The following CCSER2 variants were observed in gnomAD, a reference collection of about 807,000 sequenced individuals.
The protein encoded by CCSER2 is coiled-coil serine rich protein 2.
A neutral mutation model predicts 92.3 loss-of-function variants in CCSER2; 46 were observed. That is an observed-to-expected ratio of 0.50 (90% CI 0.39 to 0.64). The LOEUF (loss-of-function observed/expected upper bound fraction) is 0.64. Ranked by LOEUF, CCSER2 falls within the 30% of genes least tolerant of loss-of-function variation. CCSER2 has a pLI of 0.00. For synonymous variants in CCSER2, 433 were observed against 431.4 expected (o/e 1.00, Z -0.04); for missense variants, 1,244 against 1,238.9 (o/e 1.00, Z -0.06).
chr10:84,371,079 A>C lies in CCSER2; in HGVS notation c.27A>C (p.Thr9=). 1 of 1,595,902 alleles carries C rather than the reference A, an allele frequency of 6.3e-7. No homozygotes were observed. The highest frequency in any genetic ancestry group is 8.5e-7 in the Non-Finnish European group (1 of 1,173,040). Residue 9 remains threonine, a synonymous_variant, in exon 2 of 10, where the codon ACA becomes ACC. Coordinates refer to ENST00000372088, the MANE Select transcript of CCSER2 (RefSeq NM_001284240.2). MEEKTQIK[T]FLGSKLPKYG... is the part of the protein sequence containing the mutation. ...TGGAAGAAAAAACACAAATCAAGAC[A>C]TTTTTGGGTTCCAAGTTGCCAAAGT...
At position 84,425,761 on chromosome 10, in the gene CCSER2, G is replaced by A. The variant is rs1033141671; in HGVS notation, c.1736G>A (p.Arg579Gln). 5.0e-6 allele frequency: 8 copies of A among 1,612,950 alleles called. No individual in the cohort carries two copies. The South Asian group carries it at 5.5e-5, about 11-fold the overall frequency. The change falls in exon 5 of 10, where the codon CGA becomes CAA. Residue 579 changes from arginine to glutamine, a missense_variant. By Grantham distance (43) the Arg-to-Gln change is conservative. Coordinates refer to ENST00000372088, the MANE Select transcript of CCSER2 (RefSeq NM_001284240.2). Reference protein sequence around the residue: ...VECDNMNRFDRPDRNVRQPQE... With the variant: ...VECDNMNRFDQPDRNVRQPQE... The stretch of plus-strand genomic sequence containing the variant: ...TGTGACAATATGAACCGCTTTGACC[G>A]ACCAGACAGAAATGTTCGGCAGCCT...
At chr10:84,385,033 A>ACACACACACACACACACACACACACC (rs1491585087) in intron 3 of CCSER2, among the ~76,000 whole-genome samples, 2 of 151,668 alleles carry the variant, frequency 1.3e-5, no homozygotes, top group African/African-American at 4.8e-5. Flanking sequence ...ACACACACAC[A>ACACACACACACACACACACACACACC]CCCAGGAATA....
intron 6 of CCSER2, among the ~76,000 whole-genome samples, chr10:84,441,686 A>G (rs1844544527): frequency 6.8e-6 from 1 of 147,874 alleles, no homozygotes; most frequent in Non-Finnish European, 1.5e-5. Context: ...AATTTATCCA[A>G]AGAAGAAACC....
chr10:84,387,500 A>G (rs1156760393), intron 3 of CCSER2, among the ~76,000 whole-genome samples: 4 of 151,936 alleles, frequency 2.6e-5, no homozygotes, highest in Admixed American at 6.6e-5. Context: ...ACTACTTTGT[A>G]TTGATCTTCA....
At chr10:84,453,137 A>G (rs1845397439) in intron 6 of CCSER2, among the ~76,000 whole-genome samples, 1 of 150,330 alleles carries the variant, frequency 6.7e-6, no homozygotes, top group South Asian at 2.1e-4. Flanking sequence ...GGGCTGTCCC[A>G]TGCATTTATT....
At chr10:84,458,273 C>T (rs11201049) in intron 6 of CCSER2, among the ~76,000 whole-genome samples, 22,912 of 152,120 alleles carry the variant, frequency 0.15, 1,848 homozygotes, top group Admixed American at 0.24. Flanking sequence ...TTCAGTTGTT[C>T]TAGCACCATT....
chr10:84,390,940 C>CA, intron 3 of CCSER2: 1 of 757,934 alleles, frequency 1.3e-6, no homozygotes, highest in Non-Finnish European at 2.5e-6. Context: ...ACCTGTTACT[C>CA]ACTTTGCTTA....
chr10:84,334,571 GAAGTTTTTT>G (rs1445935085), intron 1 of CCSER2, among the ~76,000 whole-genome samples: 9 of 152,114 alleles, frequency 5.9e-5, no homozygotes, highest in African/African-American at 2.2e-4. Context: ...CATGAGCACT[GAAGTTTTTT>G]ACCTGTTTAT....
intron 6 of CCSER2, chr10:84,455,468 C>T (rs1845561435): frequency 3.7e-6 from 1 of 273,424 alleles, no homozygotes; most frequent in Admixed American, 5.0e-5. Flanking sequence ...TAGAGACGAG[C>T]TTTTGCCATG....
chr10:84,331,239 G>A (rs1236716451), intron 1 of CCSER2, among the ~76,000 whole-genome samples: 1 of 152,108 alleles, frequency 6.6e-6, no homozygotes, highest in African/African-American at 2.4e-5. Flanking sequence ...TGGTGCTTTG[G>A]GGTGAAATGA....
intron 6 of CCSER2, among the ~76,000 whole-genome samples, chr10:84,460,488 G>A (rs1846046020): frequency 6.6e-6 from 1 of 151,644 alleles, no homozygotes. Context: ...GCAATTAATG[G>A]CCTCATTAAT....
At chr10:84,329,009 G>C (rs1843407969) in intron 1 of CCSER2, among the ~76,000 whole-genome samples, 1 of 151,808 alleles carries the variant, frequency 6.6e-6, no homozygotes, top group Admixed American at 6.6e-5. Flanking sequence ...GCGCGGACCC[G>C]GGAGGCCGGA....
intron 6 of CCSER2, among the ~76,000 whole-genome samples, chr10:84,453,921 T>C (rs891684687): frequency 6.6e-6 from 1 of 152,200 alleles, no homozygotes; most frequent in Non-Finnish European, 1.5e-5. Flanking sequence ...TTTGTGGGTG[T>C]GATTGTTGAG....
intron 8 of CCSER2, chr10:84,473,165 T>C (rs1846920360): frequency 6.6e-6 from 1 of 152,194 alleles, no homozygotes; most frequent in Non-Finnish European, 1.5e-5. Flanking sequence ...CTTGAAATTC[T>C]CTGTACTCGA....
intron 3 of CCSER2, chr10:84,393,854 G>C (rs2133273958): frequency 6.6e-6 from 1 of 152,316 alleles, no homozygotes; most frequent in African/African-American, 2.4e-5. Context: ...TGCTAGCATA[G>C]ATGTGGTAGT....
intron 9 of CCSER2, among the ~76,000 whole-genome samples, chr10:84,512,455 A>C (rs1023658348): frequency 4.4e-5 from 6 of 136,020 alleles, no homozygotes; most frequent in Admixed American, 8.4e-5. Flanking sequence ...CCCCTGTATC[A>C]GGACAGGCCC....
At chr10:84,497,563 G>A (rs985117861) in intron 9 of CCSER2, among the ~76,000 whole-genome samples, 2 of 152,128 alleles carry the variant, frequency 1.3e-5, no homozygotes, top group East Asian at 1.9e-4. Context: ...GTGTGTGGCC[G>A]GGATTGACAG....
At chr10:84,351,255 C>G (rs1311969141) in intron 1 of CCSER2, among the ~76,000 whole-genome samples, 2 of 150,694 alleles carry the variant, frequency 1.3e-5, no homozygotes, top group Admixed American at 1.3e-4. Context: ...TTTTTTTTTC[C>G]TTTGAGACAG....
At chr10:84,471,221 T>C (rs767368344) in intron 8 of CCSER2, among the ~76,000 whole-genome samples, 28 of 151,938 alleles carry the variant, frequency 1.8e-4, no homozygotes, top group Non-Finnish European at 3.4e-4. Context: ...ATCCATTTCA[T>C]GAATAAATAG....
Sources: allele counts gnomAD v4.1 joint callset (sites outside exome capture counted in the v4.1 genomes callset), GRCh38; gene constraint gnomAD v4.1.1; transcripts MANE v1.5; gene names NCBI Gene and HGNC (gene_info 2026-07-23, HGNC 2026-07-21).